The following SP100 variants were observed in gnomAD, a reference collection of about 807,000 sequenced individuals.
The protein encoded by SP100 is nuclear autoantigen Sp-100.
Under a neutral mutation model 130.0 loss-of-function variants are expected in SP100, and 84 were observed. The observed-to-expected ratio is 0.65, with a 90% CI of 0.54 to 0.77. The LOEUF (loss-of-function observed/expected upper bound fraction) is 0.77. SP100 is among the 30% of genes least tolerant of loss of function. SP100 has a pLI of 0.00. For synonymous variants in SP100, 331 were observed against 351.7 expected (o/e 0.94, Z 0.66); for missense variants, 978 against 1,052.2 (o/e 0.93, Z 0.97).
At chr2:230,521,085 T>C (rs1575799231) in intron 24 of SP100, among the ~76,000 whole-genome samples, 1 of 152,310 alleles carries the variant, frequency 6.6e-6, no homozygotes, top group South Asian at 2.1e-4. Flanking sequence ...GGTAGGTTAA[T>C]CTGGAAGCCT....
Position 230,432,175 on chromosome 2 carries a change from G to A in SP100, c.108-10762G>A, listed in dbSNP as rs374437890. The stretch of plus-strand genomic sequence containing the variant: ...TTACATCTGGGTTATTTCATCGAAC[G>A]TAATATTTTGAAGTTCATCCATGTT... On this transcript the variant is annotated intron_variant, in intron 2 of 28. Coordinates refer to ENST00000340126, the MANE Select transcript of SP100 (RefSeq NM_001080391.2). Among the ~76,000 whole-genome samples the A allele has an allele frequency of 2.0e-5, 3 of 152,032 alleles. No homozygotes were observed. In the South Asian group the frequency reaches 6.2e-4, roughly 32 times the overall value.
chr2:230,462,454 T>C lies in SP100; in HGVS notation c.993T>C (p.Ser331=). The C allele has an allele frequency of 6.2e-7, 1 of 1,613,850 alleles. No homozygotes were observed. Among genetic ancestry groups the C allele is most frequent in the Non-Finnish European group, 8.5e-7 (1 of 1,179,808 alleles). ...SDIIVISSED[S]EGSTDVDEPL... ...GTGCAGTCATCAGCAGTGAGGACTC[T>C]GAAGGATCCACTGACGTTGATGAGC... The change falls in exon 10 of 29, where the codon TCT becomes TCC. Residue 331 remains serine, a synonymous_variant. Transcript: ENST00000340126.
At chr2:230,430,411 T>G (rs2063062424) in intron 2 of SP100, among the ~76,000 whole-genome samples, 1 of 152,236 alleles carries the variant, frequency 6.6e-6, no homozygotes, top group South Asian at 2.1e-4. Flanking sequence ...GTTCCACAGT[T>G]GGGTGTTGCC....
At chr2:230,442,202 G>A (rs527265909) in intron 2 of SP100, among the ~76,000 whole-genome samples, 4 of 152,266 alleles carry the variant, frequency 2.6e-5, no homozygotes, top group African/African-American at 9.6e-5. Flanking sequence ...CATTATCAGA[G>A]CAATAAAGTA....
intron 2 of SP100, among the ~76,000 whole-genome samples, chr2:230,436,666 G>A (rs755325430): frequency 7.9e-5 from 12 of 152,108 alleles, no homozygotes; most frequent in African/African-American, 1.4e-4. Flanking sequence ...GTTCTTTATA[G>A]CAGTGTGAAA....
At chr2:230,542,378 T>C (rs111575833) in intron 28 of SP100, among the ~76,000 whole-genome samples, 74 of 152,308 alleles carry the variant, frequency 4.9e-4, no homozygotes, top group African/African-American at 1.6e-3. Flanking sequence ...GTTTCTCTTC[T>C]CTAGAGGAAG....
chr2:230,473,662 A>G (rs2065387398), intron 16 of SP100, among the ~76,000 whole-genome samples: 1 of 152,204 alleles, frequency 6.6e-6, no homozygotes, highest in Non-Finnish European at 1.5e-5. Context: ...GTGACAAAGA[A>G]CAGGTTTGGT....
At chr2:230,434,755 CAT>C (rs1159863465) in intron 2 of SP100, among the ~76,000 whole-genome samples, 8 of 152,228 alleles carry the variant, frequency 5.3e-5, no homozygotes, top group African/African-American at 1.9e-4. Flanking sequence ...TAGTTCACTA[CAT>C]AGATATATGT....
chr2:230,450,244 G>A lies in SP100; in HGVS notation c.809G>A (p.Cys270Tyr). 1.9e-6 allele frequency: 3 copies of A among 1,612,474 alleles called. No individual in the cohort carries two copies. The highest frequency in any genetic ancestry group is 2.5e-6 in the Non-Finnish European group (3 of 1,178,746). The change falls in exon 8 of 29, where the codon TGT becomes TAT. Residue 270 changes from cysteine (C) to tyrosine (Y), a missense_variant. By Grantham distance (194) the Cys-to-Tyr change is radical (BLOSUM62 -2). Coordinates refer to ENST00000340126, the MANE Select transcript of SP100 (RefSeq NM_001080391.2). The part of the protein sequence containing the change: ...AGREMPCPLP[C>Y]DEESPEAELH... ...AGGGAGATGCCCTGCCCGTTGCCCT[G>A]TGATGAAGAAAGTAATTATTGCTTA...
chr2:230,507,737 A>G (rs550413240), intron 22 of SP100, among the ~76,000 whole-genome samples: 28 of 152,286 alleles, frequency 1.8e-4, no homozygotes, highest in African/African-American at 6.5e-4. Flanking sequence ...CTGCTCCACA[A>G]TGTGTCAAGA....
intron 8 of SP100, among the ~76,000 whole-genome samples, chr2:230,451,742 A>C (rs1242365533): frequency 6.6e-6 from 1 of 152,154 alleles, no homozygotes; most frequent in South Asian, 2.1e-4. Context: ...CTTTTCCTCT[A>C]TATTTTCTTC....
Position 230,467,318 on chromosome 2 carries a change from CT to C in SP100, c.1291+104del, listed in dbSNP as rs2065012656. On this transcript the variant is annotated intron_variant, in intron 13 of 28. Coordinates refer to ENST00000340126, the MANE Select transcript of SP100 (RefSeq NM_001080391.2). ...CAACAGCTATCCAGGAGCCAGTTCT[CT>C]GCATCTACCTCATCTGGCCATTTTG... 6 of 779,810 alleles carry C rather than the reference CT, an allele frequency of 7.7e-6. No individual in the cohort carries two copies. In the Admixed American group the frequency reaches 1.3e-4, roughly 17 times the overall value. 48.3% of individuals were successfully genotyped at this position (779,810 alleles called of 1,614,324 possible).
At chr2:230,505,524 A>G (rs1373857591) in intron 21 of SP100, among the ~76,000 whole-genome samples, 1 of 152,200 alleles carries the variant, frequency 6.6e-6, no homozygotes, top group Non-Finnish European at 1.5e-5. Context: ...TTCCTTCTCT[A>G]CAAAATCAGA....
intron 2 of SP100, among the ~76,000 whole-genome samples, chr2:230,426,210 TG>T (rs2062927838): frequency 6.6e-6 from 1 of 152,186 alleles, no homozygotes; most frequent in Non-Finnish European, 1.5e-5. Context: ...TTCTGAGTTT[TG>T]TTGATCTTTT....
At chr2:230,482,346 G>A (rs1485950619) in intron 17 of SP100, among the ~76,000 whole-genome samples, 1 of 151,992 alleles carries the variant, frequency 6.6e-6, no homozygotes, top group East Asian at 1.9e-4. Flanking sequence ...TGGTTCTTCA[G>A]AGAGTCCCCA....
intron 24 of SP100, among the ~76,000 whole-genome samples, chr2:230,525,894 A>T (rs1414784340): frequency 1.3e-5 from 2 of 152,132 alleles, no homozygotes; most frequent in Non-Finnish European, 2.9e-5. Flanking sequence ...GTAAACAAAA[A>T]GGCAGGGAAG....
chr2:230,438,827 G>A lies in SP100; in HGVS notation c.108-4110G>A, dbSNP rs185304320. ...TTGCTAATTGTGCTGCTATAAACGCGTGTGCAAATGTCTTTTTCATATCAT... is the reference window on the plus strand; with the variant it reads ...TTGCTAATTGTGCTGCTATAAACGCATGTGCAAATGTCTTTTTCATATCAT... On this transcript the variant is annotated intron_variant, in intron 2 of 28. Transcript: ENST00000340126. 1.2e-3 allele frequency among the ~76,000 whole-genome samples: 178 copies of A among 152,146 alleles called. 2 individuals carry two copies. The highest frequency in any genetic ancestry group is 3.5e-3 in the Admixed American group (54 of 15,278).
intron 2 of SP100, among the ~76,000 whole-genome samples, chr2:230,441,115 T>C (rs1260841682): frequency 6.6e-6 from 1 of 152,150 alleles, no homozygotes; most frequent in Non-Finnish European, 1.5e-5. Flanking sequence ...AAAAAATGCC[T>C]ACCCATCAAT....
chr2:230,453,414 G>GT (rs1339966358), intron 8 of SP100, among the ~76,000 whole-genome samples: 2 of 152,158 alleles, frequency 1.3e-5, no homozygotes, highest in African/African-American at 4.8e-5. Context: ...AAATCTTTCA[G>GT]TTTTTTGTCA....
Sources: allele counts gnomAD v4.1 joint callset (sites outside exome capture counted in the v4.1 genomes callset), GRCh38; gene constraint gnomAD v4.1.1; transcripts MANE v1.5; gene names NCBI Gene and HGNC (gene_info 2026-07-23, HGNC 2026-07-21).